The following IL1RAPL1 variants were observed in gnomAD, a reference collection of about 807,000 sequenced individuals.
IL1RAPL1 encodes the protein interleukin-1 receptor accessory protein-like 1.
Under a neutral mutation model 48.4 loss-of-function variants are expected in IL1RAPL1, and 3 were observed. The ratio of observed to expected loss-of-function variants is 0.06; its 90% CI spans 0.03 to 0.16. The LOEUF is 0.16. IL1RAPL1 is among the 10% of genes least tolerant of loss of function. IL1RAPL1 has a pLI of 1.00. For missense variants in IL1RAPL1, 349 were observed against 530.6 expected (o/e 0.66, Z 3.36); for synonymous variants, 185 against 187.7 (o/e 0.99, Z 0.12).
At chrX:29,082,884 T>C (rs912028866) in intron 2 of IL1RAPL1, among the ~76,000 whole-genome samples, 4 of 112,077 alleles carry the variant, frequency 3.6e-5, no homozygotes, top group African/African-American at 9.7e-5. Context: ...TCACCACTTA[T>C]CTGAGGCTAA....
intron 6 of IL1RAPL1, among the ~76,000 whole-genome samples, chrX:29,707,772 TG>T (rs1259914838): frequency 3.6e-5 from 4 of 110,326 alleles, no homozygotes; most frequent in Non-Finnish European, 7.6e-5. Context: ...CATTGGACTT[TG>T]GGGACTCGGA....
chrX:29,664,496 A>G (rs781667870), intron 5 of IL1RAPL1, among the ~76,000 whole-genome samples: 1 of 111,711 alleles, frequency 9.0e-6, no homozygotes, highest in Admixed American at 9.5e-5. Context: ...TGGTAGGATA[A>G]GTATAGATAT....
At chrX:28,889,040 G>A (rs1013581626) in intron 2 of IL1RAPL1, among the ~76,000 whole-genome samples, 30 of 111,105 alleles carry the variant, frequency 2.7e-4, no homozygotes, top group African/African-American at 8.8e-4. Context: ...AAAAAAGTAA[G>A]TTATTTCTGT....
At chrX:28,737,163 TTCC>T (rs1569161805) in intron 1 of IL1RAPL1, among the ~76,000 whole-genome samples, 42 of 83,440 alleles carry the variant, frequency 5.0e-4, no homozygotes, top group African/African-American at 1.9e-3. Context: ...CCTTCCTTCC[TTCC>T]TTCCTTCCTT....
chrX:28,749,456 C>T (rs1000108103), intron 1 of IL1RAPL1, among the ~76,000 whole-genome samples: 1 of 111,752 alleles, frequency 8.9e-6, no homozygotes, highest in Non-Finnish European at 1.9e-5. Context: ...AATAGCCATT[C>T]TAATAGGAGT....
At chrX:29,031,994 CACCTACCTACTT>C (rs964548424) in intron 2 of IL1RAPL1, among the ~76,000 whole-genome samples, 1 of 111,860 alleles carries the variant, frequency 8.9e-6, no homozygotes, top group Non-Finnish European at 1.9e-5. Context: ...CCTACGTACC[CACCTACCTACTT>C]ACCTACCTAC....
chrX:29,950,895 G>C (rs953700991), intron 9 of IL1RAPL1, among the ~76,000 whole-genome samples: 4 of 110,719 alleles, frequency 3.6e-5, no homozygotes, highest in African/African-American at 1.3e-4. Context: ...AGCCAGGATG[G>C]TCTCGATCTC....
intron 2 of IL1RAPL1, among the ~76,000 whole-genome samples, chrX:29,030,824 G>A (rs1418057282): frequency 9.0e-6 from 1 of 111,301 alleles, no homozygotes; most frequent in Non-Finnish European, 1.9e-5. Context: ...CCAAAGATAA[G>A]GTGAATCTTA....
At chrX:28,752,263 G>T (rs1196288685) in intron 1 of IL1RAPL1, among the ~76,000 whole-genome samples, 1 of 111,455 alleles carries the variant, frequency 9.0e-6, no homozygotes, top group African/African-American at 3.3e-5. Context: ...CATAAGCAAA[G>T]ATTCTTCCCC....
chrX:29,837,272 A>AAAATATAT (rs1447926305), intron 6 of IL1RAPL1, among the ~76,000 whole-genome samples: 4 of 72,126 alleles, frequency 5.5e-5, no homozygotes, highest in African/African-American at 1.8e-4. Context: ...AAAAAAAAAA[A>AAAATATAT]ATATATATAT....
chrX:29,290,491 A>G (rs1373248401), intron 3 of IL1RAPL1, among the ~76,000 whole-genome samples: 2 of 112,478 alleles, frequency 1.8e-5, no homozygotes, highest in East Asian at 5.6e-4. Flanking sequence ...ATACATATTT[A>G]TTTCTGGATG....
At chrX:29,868,282 G>C (rs777107303) in intron 6 of IL1RAPL1, among the ~76,000 whole-genome samples, 1 of 112,226 alleles carries the variant, frequency 8.9e-6, no homozygotes, top group Non-Finnish European at 1.9e-5. Flanking sequence ...AATTCTCGAC[G>C]TTAAGCGTCT....
At chrX:28,953,133 A>G (rs1193187877) in intron 2 of IL1RAPL1, among the ~76,000 whole-genome samples, 2 of 111,689 alleles carry the variant, frequency 1.8e-5, no homozygotes, top group African/African-American at 6.5e-5. Flanking sequence ...AATATGGACT[A>G]TAGCAGCCAG....
At chrX:29,917,132 A>T (rs1381544730) in intron 6 of IL1RAPL1, among the ~76,000 whole-genome samples, 1 of 112,181 alleles carries the variant, frequency 8.9e-6, no homozygotes, top group Non-Finnish European at 1.9e-5. Flanking sequence ...AGAAGGGCAT[A>T]TCACCTCTGT....
At chrX:29,058,201 C>A (rs1449877387) in intron 2 of IL1RAPL1, among the ~76,000 whole-genome samples, 1 of 109,883 alleles carries the variant, frequency 9.1e-6, no homozygotes, top group African/African-American at 3.3e-5. Context: ...TGGTGAAACC[C>A]CCCCGTCTCT....
chrX:28,946,496 T>C (rs1353947173), intron 2 of IL1RAPL1, among the ~76,000 whole-genome samples: 2 of 111,176 alleles, frequency 1.8e-5, no homozygotes, highest in Non-Finnish European at 3.8e-5. Context: ...AAAAATATTG[T>C]GAGATAACTT....
intron 6 of IL1RAPL1, among the ~76,000 whole-genome samples, chrX:29,802,791 GTA>G (rs1195101220): frequency 0.042 from 1,428 of 33,855 alleles, 31 homozygotes; most frequent in Non-Finnish European, 0.052. Flanking sequence ...ATGTGTGTGT[GTA>G]TATATATATA....
chrX:28,936,423 T>G (rs1345924753), intron 2 of IL1RAPL1, among the ~76,000 whole-genome samples: 1 of 110,232 alleles, frequency 9.1e-6, no homozygotes, highest in Non-Finnish European at 1.9e-5. Flanking sequence ...GGTGAGAGGA[T>G]TGCTTGAGCT....
At chrX:29,100,806 T>C (rs1320288214) in intron 2 of IL1RAPL1, among the ~76,000 whole-genome samples, 3 of 112,075 alleles carry the variant, frequency 2.7e-5, no homozygotes, top group African/African-American at 9.7e-5. Flanking sequence ...CTCACAGTTT[T>C]GTTGTCAGGT....
Sources: gnomAD v4.1 joint callset for allele counts (sites outside exome capture counted in the v4.1 genomes callset) on GRCh38, gnomAD v4.1.1 for gene constraint, MANE v1.5 for transcripts, NCBI Gene and HGNC (gene_info 2026-07-23, HGNC 2026-07-21) for gene names.